The following RFX8 variants were observed in gnomAD, a reference collection of about 807,000 sequenced individuals.
RFX8 encodes the protein regulatory factor X8.
A neutral mutation model predicts 54.6 loss-of-function variants in RFX8; 46 were observed. The observed-to-expected ratio is 0.84, with a 90% CI of 0.67 to 1.08. RFX8 has a LOEUF of 1.08. Among genes scored for constraint, RFX8 ranks in the 50% least tolerant of loss-of-function variants. The pLI is 0.00. For missense variants in RFX8, 536 were observed against 562.3 expected (o/e 0.95, Z 0.47); for synonymous variants, 192 against 209.5 (o/e 0.92, Z 0.72).
At chr2:101,411,020 AT>A (rs1686093499) in intron 8 of RFX8, among the ~76,000 whole-genome samples, 1 of 152,246 alleles carries the variant, frequency 6.6e-6, no homozygotes, top group Non-Finnish European at 1.5e-5. Context: ...AGATGAGCTC[AT>A]TGCACGATAC....
At chr2:101,467,853 A>G (rs1294408056) in intron 1 of RFX8, among the ~76,000 whole-genome samples, 3 of 151,828 alleles carry the variant, frequency 2.0e-5, no homozygotes, top group African/African-American at 7.3e-5. Context: ...TCCCGGTGGG[A>G]CAGACCATCG....
chr2:101,416,750 G>A (rs1227884610), intron 6 of RFX8, among the ~76,000 whole-genome samples: 2 of 152,170 alleles, frequency 1.3e-5, no homozygotes, highest in Admixed American at 6.5e-5. Flanking sequence ...GGAGCATGGA[G>A]CTGCAGGGAC....
At chr2:101,427,561 G>A (rs989592027) in intron 2 of RFX8, among the ~76,000 whole-genome samples, 2 of 152,160 alleles carry the variant, frequency 1.3e-5, no homozygotes, top group Non-Finnish European at 2.9e-5. Flanking sequence ...GAATGGTGTT[G>A]AAATTATGAC....
At chr2:101,412,193 G>A (rs745307415) in intron 8 of RFX8, among the ~76,000 whole-genome samples, 2 of 152,134 alleles carry the variant, frequency 1.3e-5, no homozygotes, top group Non-Finnish European at 2.9e-5. Flanking sequence ...CATCATAGGA[G>A]GGCCTAGAGA....
At position 101,420,487 on chromosome 2, in the gene RFX8, G is replaced by A. The variant is rs1686802635; in HGVS notation, c.237+1237C>T. Reference sequence around the variant, plus strand: ...TGAACTCAGGAGGTGGAGGTACAGTGAGCCGAGATCGCACCACTGAACTCC... The same window carrying A: ...TGAACTCAGGAGGTGGAGGTACAGTAAGCCGAGATCGCACCACTGAACTCC... On this transcript the variant is annotated intron_variant, in intron 4 of 11. Coordinates refer to ENST00000428343, the MANE Select transcript of RFX8 (RefSeq NM_001145664.2). 2.0e-5 allele frequency among the ~76,000 whole-genome samples: 3 copies of A among 152,010 alleles called. No homozygotes were observed. In the South Asian group the frequency reaches 6.2e-4, roughly 32 times the overall value.
chr2:101,422,067 A>AT (rs1440091028), intron 3 of RFX8, among the ~76,000 whole-genome samples: 4 of 152,042 alleles, frequency 2.6e-5, no homozygotes, highest in African/African-American at 9.7e-5. Context: ...CTAAACTTCA[A>AT]TTTTCCCCCT....
At chr2:101,412,839 T>A in intron 8 of RFX8, 76 bp downstream of exon 8, 5 of 1,339,660 alleles carry the variant, frequency 3.7e-6, no homozygotes, top group Non-Finnish European at 5.1e-6. Flanking sequence ...AAGAAATTCA[T>A]GAGTTAACGA....
At chr2:101,442,428 G>A (rs543658598) in intron 2 of RFX8, among the ~76,000 whole-genome samples, 1 of 152,152 alleles carries the variant, frequency 6.6e-6, no homozygotes, top group African/African-American at 2.4e-5. Flanking sequence ...GAGTCAGCTA[G>A]TGGCAAATTT....
At chr2:101,442,969 C>T (rs1391582449) in intron 2 of RFX8, among the ~76,000 whole-genome samples, 1 of 152,146 alleles carries the variant, frequency 6.6e-6, no homozygotes, top group Non-Finnish European at 1.5e-5. Context: ...CTCACACCCT[C>T]AGTATCTCTT....
At position 101,401,134 on chromosome 2, in the gene RFX8, T is replaced by C. The variant is rs376614059; in HGVS notation, c.1245+1302A>G. Among the ~76,000 whole-genome samples, 124 of 152,250 alleles carry C rather than the reference T, an allele frequency of 8.1e-4. 4 individuals are homozygous for C. The South Asian group carries it at 0.023, about 28-fold the overall frequency. On this transcript the variant is annotated intron_variant, in intron 11 of 11. Coordinates refer to ENST00000428343, the MANE Select transcript of RFX8 (RefSeq NM_001145664.2). ...TGAGTTTCTCATTTACAGACAAACGTTGGAATCTACCTCACAGAGAGCACC... is the reference window on the plus strand; with the variant it reads ...TGAGTTTCTCATTTACAGACAAACGCTGGAATCTACCTCACAGAGAGCACC...
Position 101,409,660 on chromosome 2 carries a change from C to T in RFX8, c.813+959G>A, listed in dbSNP as rs563084804. Among the ~76,000 whole-genome samples the T allele has an allele frequency of 2.6e-5, 4 of 152,258 alleles. No homozygotes were observed. In the East Asian group the frequency reaches 7.7e-4, roughly 29 times the overall value. On this transcript the variant is annotated intron_variant, in intron 9 of 11. Transcript: ENST00000428343. Reference sequence around the variant, plus strand: ...GATTACAGGTGCGTGCCACCATGCCCAGCTAATTTTTGTATTTTTAGGAGA... The same window carrying T: ...GATTACAGGTGCGTGCCACCATGCCTAGCTAATTTTTGTATTTTTAGGAGA...
chr2:101,435,653 C>A (rs1358911131), intron 2 of RFX8, among the ~76,000 whole-genome samples: 1 of 152,104 alleles, frequency 6.6e-6, no homozygotes, highest in African/African-American at 2.4e-5. Context: ...CCCTGAATTT[C>A]TGAGTCAGCA....
chr2:101,459,407 TC>T (rs1689150172), intron 2 of RFX8, among the ~76,000 whole-genome samples: 1 of 152,218 alleles, frequency 6.6e-6, no homozygotes. Context: ...GGTGTGGATG[TC>T]CTTTTTGTTG....
At chr2:101,439,194 G>A (rs985476972) in intron 2 of RFX8, among the ~76,000 whole-genome samples, 2 of 152,050 alleles carry the variant, frequency 1.3e-5, no homozygotes, top group East Asian at 1.9e-4. Context: ...TTGCTTTATC[G>A]TATGTTTATG....
chr2:101,454,112 T>C (rs150084371), intron 2 of RFX8, among the ~76,000 whole-genome samples: 3 of 151,380 alleles, frequency 2.0e-5, no homozygotes, highest in Non-Finnish European at 4.4e-5. Context: ...GTGCTCTCAT[T>C]GTTCAATTCC....
intron 8 of RFX8, among the ~76,000 whole-genome samples, chr2:101,410,962 T>C (rs1228395089): frequency 6.6e-6 from 1 of 152,186 alleles, no homozygotes; most frequent in East Asian, 1.9e-4. Flanking sequence ...GAAACAGAAA[T>C]ATTTTGAAAC....
At chr2:101,459,044 A>G (rs1689130382) in intron 2 of RFX8, among the ~76,000 whole-genome samples, 1 of 152,138 alleles carries the variant, frequency 6.6e-6, no homozygotes, top group South Asian at 2.1e-4. Flanking sequence ...TTCTCGTGCC[A>G]CGGTTTTCAG....
intron 2 of RFX8, among the ~76,000 whole-genome samples, chr2:101,465,640 A>G (rs1689534017): frequency 1.3e-5 from 2 of 152,248 alleles, no homozygotes; most frequent in South Asian, 4.1e-4. Context: ...TGATAACAAC[A>G]ACATTTTGTA....
At chr2:101,398,768 T>C (rs1685265437) in intron 11 of RFX8, among the ~76,000 whole-genome samples, 1 of 152,050 alleles carries the variant, frequency 6.6e-6, no homozygotes, top group South Asian at 2.1e-4. Flanking sequence ...AGAAATGTAT[T>C]CACTTGGTCT....
Sources: allele counts gnomAD v4.1 joint callset (sites outside exome capture counted in the v4.1 genomes callset), GRCh38; gene constraint gnomAD v4.1.1; transcripts MANE v1.5; gene names NCBI Gene and HGNC (gene_info 2026-07-23, HGNC 2026-07-21).